DOCK3: variants seen among roughly 807,000 people sequenced by gnomAD.
DOCK3 encodes the protein dedicator of cytokinesis 3.
In DOCK3, 60 loss-of-function variants were observed where a neutral mutation model predicts 265.6. The observed-to-expected ratio is 0.23, with a 90% confidence interval of 0.18 to 0.28. The LOEUF (loss-of-function observed/expected upper bound fraction) is 0.28. Ranked by LOEUF, DOCK3 falls within the 10% of genes least tolerant of loss-of-function variation. The pLI, the probability that DOCK3 is intolerant of heterozygous loss-of-function variation, is 1.00. For missense variants in DOCK3, 1,981 were observed against 2,594.3 expected, an observed-to-expected ratio of 0.76 and a Z score of 5.14; for synonymous variants, 881 against 938.0, an observed-to-expected ratio of 0.94 and a Z score of 1.11.
At chr3:51,161,668 T>C (rs2086150190) in intron 12 of DOCK3, among the ~76,000 whole-genome samples, 2 of 152,230 alleles carry the variant, frequency 1.3e-5, no homozygotes, top group African/African-American at 2.4e-5. Context: ...GCTAACAATA[T>C]GCTTCTCATG....
intron 5 of DOCK3, among the ~76,000 whole-genome samples, chr3:50,970,948 A>ATATAATG (rs1559878922): frequency 5.8e-5 from 3 of 51,756 alleles, no homozygotes; most frequent in Admixed American, 2.8e-4. Flanking sequence ...TATATATATA[A>ATATAATG]TGTGTGTGTG....
At chr3:51,141,299 G>GT (rs34416506) in intron 9 of DOCK3, among the ~76,000 whole-genome samples, 9,036 of 142,816 alleles carry the variant, frequency 0.063, 995 homozygotes, top group African/African-American at 0.21. Flanking sequence ...TTCCTGGAGA[G>GT]TTTTTTTTTT....
At chr3:50,765,075 T>G (rs897271879) in intron 1 of DOCK3, among the ~76,000 whole-genome samples, 1 of 108,938 alleles carries the variant, frequency 9.2e-6, no homozygotes, top group Non-Finnish European at 2.0e-5. Flanking sequence ...TTCTTAGGTT[T>G]TTTTTTTTTT....
intron 1 of DOCK3, among the ~76,000 whole-genome samples, chr3:50,739,510 CTT>C (rs2108212278): frequency 6.6e-6 from 1 of 152,194 alleles, no homozygotes; most frequent in Non-Finnish European, 1.5e-5. Flanking sequence ...TATTATTTGC[CTT>C]TGTTTATGAC....
intron 5 of DOCK3, among the ~76,000 whole-genome samples, chr3:51,012,200 C>A (rs1301147073): frequency 6.6e-6 from 1 of 152,168 alleles, no homozygotes; most frequent in Non-Finnish European, 1.5e-5. Flanking sequence ...GCCTTTTGTT[C>A]AGCTATGCCC....
At chr3:50,755,204 G>T (rs982532429) in intron 1 of DOCK3, among the ~76,000 whole-genome samples, 21 of 152,294 alleles carry the variant, frequency 1.4e-4, no homozygotes, top group Admixed American at 7.2e-4. Flanking sequence ...AAGTGAAGAT[G>T]GTTAAGACCA....
chr3:51,082,579 C>CATA (rs2082279355), intron 7 of DOCK3, among the ~76,000 whole-genome samples: 1 of 152,214 alleles, frequency 6.6e-6, no homozygotes, highest in Non-Finnish European at 1.5e-5. Context: ...AGAGCCACTG[C>CATA]ATACCTGCAC....
At chr3:50,853,086 A>G (rs2046416419) in intron 3 of DOCK3, among the ~76,000 whole-genome samples, 1 of 152,194 alleles carries the variant, frequency 6.6e-6, no homozygotes, top group African/African-American at 2.4e-5. Flanking sequence ...ACAATAAATT[A>G]TGAACTGTAA....
At chr3:51,201,622 A>G (rs56307672) in intron 12 of DOCK3, among the ~76,000 whole-genome samples, 3,705 of 152,268 alleles carry the variant, frequency 0.024, 177 homozygotes, top group African/African-American at 0.085. Context: ...ACAAGACAGA[A>G]AGTCAACAAG....
intron 4 of DOCK3, among the ~76,000 whole-genome samples, chr3:50,895,158 A>G (rs1161669909): frequency 2.0e-5 from 3 of 148,258 alleles, no homozygotes; most frequent in African/African-American, 7.5e-5. Context: ...CTTAGTTTTT[A>G]TTTCAGCATC....
chr3:51,053,078 G>GATAGATATATATAT (rs1345393303), intron 5 of DOCK3, among the ~76,000 whole-genome samples: 10 of 43,806 alleles, frequency 2.3e-4, no homozygotes, highest in Non-Finnish European at 3.4e-4. Flanking sequence ...AAAAGTCAAA[G>GATAGATATATATAT]ATATATATAT....
At chr3:51,042,248 C>T (rs2109039423) in intron 5 of DOCK3, among the ~76,000 whole-genome samples, 1 of 152,282 alleles carries the variant, frequency 6.6e-6, no homozygotes, top group African/African-American at 2.4e-5. Flanking sequence ...ATCAAGTAAG[C>T]TTCATCCCTG....
Position 51,357,783 on chromosome 3 carries a change from A to G in DOCK3, c.4709A>G (p.Asn1570Ser), listed in dbSNP as rs771853951. The change falls in exon 45 of 53, where the codon AAC becomes AGC. Residue 1570 changes from asparagine (N) to serine (S), a missense_variant. Physicochemically the swap from Asn to Ser is conservative, Grantham distance 46 (BLOSUM62 1). Around this residue, in one of 4 missense-constraint regions of DOCK3, gnomAD observed 1,357 missense variants for 1,866.8 expected, o/e 0.73. Transcript: ENST00000266037. Reference sequence around the variant, plus strand: ...GCCTTCTTTGATAAAGATTACATCAACAAGCACCCAGGAGATGCTGAGAAG... The same window carrying G: ...GCCTTCTTTGATAAAGATTACATCAGCAAGCACCCAGGAGATGCTGAGAAG... ...QEAFFDKDYI[N>S]KHPGDAEKIT... is the part of the protein sequence containing the mutation. 1.1e-5 allele frequency: 17 copies of G among 1,613,908 alleles called. No individual in the cohort carries two copies. Among genetic ancestry groups the G allele is most frequent in the Non-Finnish European group, 1.3e-5 (15 of 1,179,898 alleles).
At chr3:51,115,536 G>T (rs573595492) in intron 9 of DOCK3, among the ~76,000 whole-genome samples, 2 of 151,914 alleles carry the variant, frequency 1.3e-5, no homozygotes, top group Non-Finnish European at 2.9e-5. Flanking sequence ...TATAGATTCC[G>T]GATATTAGCC....
chr3:50,982,517 C>T (rs2077730605), intron 5 of DOCK3, among the ~76,000 whole-genome samples: 1 of 152,114 alleles, frequency 6.6e-6, no homozygotes, highest in South Asian at 2.1e-4. Flanking sequence ...TGCCTCATGT[C>T]CCCAAGGCAG....
At chr3:51,339,256 T>C (rs1404789862) in intron 37 of DOCK3, among the ~76,000 whole-genome samples, 1 of 152,232 alleles carries the variant, frequency 6.6e-6, no homozygotes, top group African/African-American at 2.4e-5. Context: ...CATCCACTAC[T>C]TGAGTCTGTT....
At chr3:50,998,689 A>T (rs1035514940) in intron 5 of DOCK3, among the ~76,000 whole-genome samples, 1 of 152,220 alleles carries the variant, frequency 6.6e-6, no homozygotes, top group Admixed American at 6.5e-5. Context: ...TCTAATTTCC[A>T]TGGAAAATGT....
chr3:51,132,439 G>A (rs2084600760), intron 9 of DOCK3, among the ~76,000 whole-genome samples: 1 of 152,192 alleles, frequency 6.6e-6, no homozygotes, highest in Non-Finnish European at 1.5e-5. Flanking sequence ...ACGGGTGTTG[G>A]GGTGGGTTCT....
intron 9 of DOCK3, among the ~76,000 whole-genome samples, chr3:51,134,947 T>G (rs562900741): frequency 5.9e-4 from 90 of 152,272 alleles, no homozygotes; most frequent in African/African-American, 2.1e-3. Flanking sequence ...GTTGTAAAGA[T>G]CAAGAGCAAT....
Sources: allele counts gnomAD v4.1 joint callset (sites outside exome capture counted in the v4.1 genomes callset), GRCh38; gene constraint gnomAD v4.1.1; regional missense constraint gnomAD v4.1.1; transcripts MANE v1.5; gene names NCBI Gene and HGNC (gene_info 2026-07-23, HGNC 2026-07-21).